The following CHD4 variants were observed in gnomAD, a reference collection of about 807,000 sequenced individuals.
The protein encoded by CHD4 is chromodomain helicase DNA binding protein 4.
Under a neutral mutation model 235.5 loss-of-function variants are expected in CHD4, and 35 were observed. That is an observed-to-expected ratio of 0.15 (90% CI 0.11 to 0.20). The LOEUF is 0.20. CHD4 is among the 10% of genes least tolerant of loss of function. The pLI is 1.00. For missense variants in CHD4, 1,329 were observed against 2,432.3 expected (o/e 0.55, Z 9.54); for synonymous variants, 900 against 850.2 (o/e 1.06, Z -1.02).
At position 6,587,330 on chromosome 12, in the gene CHD4, T is replaced by G. The variant is rs1468338839; in HGVS notation, c.3879+54A>C. The G allele has an allele frequency of 2.5e-6, 4 of 1,569,730 alleles. No individual in the cohort carries two copies. In the East Asian group the frequency reaches 9.0e-5, roughly 35 times the overall value. Reference sequence around the variant, plus strand: ...GTCTCAAATACCACCTTGGTCTCAATGCCAATTTTCAGACCAATTACCAAG... The same window carrying G: ...GTCTCAAATACCACCTTGGTCTCAAGGCCAATTTTCAGACCAATTACCAAG... On this transcript the variant is annotated intron_variant, in intron 25 of 39. Coordinates refer to ENST00000544040, the MANE Select transcript of CHD4 (RefSeq NM_001273.5).
In CHD4 at chr12:6,601,913, AAGAC is replaced by A. The variant is rs745643323; in HGVS notation, c.438+43_438+46del. ...GGCAGTAAGGTGTCTAGGAAACAAA[AAGAC>A]AAAAGTTTAACAGTACAAAGAAGAG... On this transcript the variant is annotated intron_variant, in intron 4 of 39. Transcript: ENST00000544040. The A allele has an allele frequency of 5.6e-6, 9 of 1,601,618 alleles. No individual in the cohort carries two copies. The South Asian group carries it at 8.8e-5, about 16-fold the overall frequency.
chr12:6,575,861 A>G (rs1000043474), intron 37 of CHD4, among the ~76,000 whole-genome samples: 2 of 152,142 alleles, frequency 1.3e-5, no homozygotes, highest in Admixed American at 6.6e-5. Flanking sequence ...CAACTGGGCT[A>G]TCTGCTATTT....
chr12:6,578,782 A>G, intron 34 of CHD4, 64 bp downstream of exon 34: 1 of 1,512,458 alleles, frequency 6.6e-7, no homozygotes, highest in Non-Finnish European at 9.2e-7. Context: ...GGCAGGGCAG[A>G]TACAGTCCTT....
At position 6,602,380 on chromosome 12, in the gene CHD4, T is replaced by C. The variant is rs770418446; in HGVS notation, c.218A>G (p.Lys73Arg). ...AACATTCAGTCACCCACTCACCTCC[T>C]TTTTTTGGCGCTTGCTCTTAGGGAT... The part of the protein sequence containing the change: ...PKIPKSKRQK[K>R]ERMLLCRQLG... Residue 73 changes from lysine to arginine, a missense_variant, in exon 3 of 40, where the codon AAG (lysine) becomes AGG (arginine). Physicochemically the swap from Lys to Arg is conservative, Grantham distance 26. Coordinates refer to ENST00000544040, the MANE Select transcript of CHD4 (RefSeq NM_001273.5). 1.2e-6 allele frequency: 2 copies of C among 1,613,408 alleles called. No individual in the cohort carries two copies. Among genetic ancestry groups the C allele is most frequent in the South Asian group, 1.1e-5 (1 of 90,954 alleles).
intron 10 of CHD4, 70 bp downstream of exon 10, chr12:6,599,703 C>A: frequency 1.3e-6 from 2 of 1,591,516 alleles, no homozygotes; most frequent in South Asian, 1.1e-5. Flanking sequence ...TGCACCCCAG[C>A]CTCACAATAG....
At chr12:6,591,191 C>A in intron 22 of CHD4, 3 of 185,608 alleles carry the variant, frequency 1.6e-5, no homozygotes, top group East Asian at 2.7e-4. Context: ...CTGCTAGTAA[C>A]TTGCTATTTG....
chr12:6,584,987 AC>A (rs1354218188), intron 25 of CHD4, among the ~76,000 whole-genome samples: 1 of 152,206 alleles, frequency 6.6e-6, no homozygotes, highest in Non-Finnish European at 1.5e-5. Flanking sequence ...TGGACGCATT[AC>A]CTTCGAGAAC....
chr12:6,585,504 G>A (rs1432876321), intron 25 of CHD4, among the ~76,000 whole-genome samples: 2 of 151,762 alleles, frequency 1.3e-5, no homozygotes, highest in African/African-American at 4.8e-5. Flanking sequence ...GGATGGGCTC[G>A]ATCTCTTGAC....
intron 20 of CHD4, 42 bp downstream of exon 20, chr12:6,591,874 G>C (rs779449232): frequency 2.3e-5 from 37 of 1,613,874 alleles, no homozygotes; most frequent in Non-Finnish European, 2.9e-5. Context: ...CCCACATGGA[G>C]AAGACCCAAC....
At chr12:6,606,701 G>A (rs561747109) in intron 1 of CHD4, 1 of 229,916 alleles carries the variant, frequency 4.3e-6, no homozygotes, top group Non-Finnish European at 8.5e-6. Flanking sequence ...GGGAGACGCG[G>A]GGCTGGACCG....
At chr12:6,606,715 G>A (rs970769291) in intron 1 of CHD4, 2 of 194,966 alleles carry the variant, frequency 1.0e-5, no homozygotes, top group Non-Finnish European at 2.1e-5. Flanking sequence ...TGGACCGAGC[G>A]GGGTGTGACG....
At chr12:6,578,575 G>C in intron 34 of CHD4, 29 bp from the exon 35 acceptor site, 1 of 1,606,822 alleles carries the variant, frequency 6.2e-7, no homozygotes, top group Non-Finnish European at 8.5e-7. Flanking sequence ...AAAAATGTCA[G>C]CTCCAGCCAA....
rs2136215433 is a variant in CHD4, at chr12:6,593,445, G to A, written c.2485C>T (p.Arg829Cys). ...ATGCGGGAGGCCTTCTTGCCACCAC[G>A]AATGGCATTGTCTTCAAAGGAGAAC... Reference protein sequence around the residue: ...NEFSFEDNAIRGGKKASRMKK... With the variant: ...NEFSFEDNAICGGKKASRMKK... Residue 829 changes from arginine (R) to cysteine (C), a missense_variant, in exon 16 of 40, where the codon CGT becomes TGT. By Grantham distance (180) the Arg-to-Cys change is radical. This residue lies in a region of CHD4 where 78 missense variants were observed against 174.8 expected (regional missense o/e 0.45). Transcript: ENST00000544040. The surrounding 1 kb of genome is among the most constrained non-coding windows in gnomAD (Gnocchi z 4.9). 6.2e-7 allele frequency: 1 copy of A among 1,614,096 alleles called. No homozygotes were observed. Among genetic ancestry groups the A allele is most frequent in the Non-Finnish European group, 8.5e-7 (1 of 1,180,014 alleles).
intron 38 of CHD4, among the ~76,000 whole-genome samples, chr12:6,572,096 A>C (rs1055649644): frequency 1.3e-5 from 2 of 151,344 alleles, no homozygotes; most frequent in Non-Finnish European, 2.9e-5. Flanking sequence ...ATTGCACCCC[A>C]GCCTGGGCAA....
intron 33 of CHD4, chr12:6,580,264 G>A (rs1472761542): frequency 1.3e-5 from 2 of 151,526 alleles, no homozygotes; most frequent in African/African-American, 4.9e-5. Context: ...AACAAATAAA[G>A]TCATAAGAGA....
chr12:6,596,470 C>T (rs1464060934), intron 12 of CHD4, among the ~76,000 whole-genome samples: 2 of 143,720 alleles, frequency 1.4e-5, no homozygotes, highest in Non-Finnish European at 3.0e-5. Context: ...GCCAACATGG[C>T]GAAACCCGTC....
intron 34 of CHD4, 148 bp from the exon 35 acceptor site, chr12:6,578,694 G>T: frequency 1.4e-6 from 2 of 1,388,872 alleles, no homozygotes; most frequent in Non-Finnish European, 2.0e-6. Context: ...GGTGCCATTG[G>T]CCCACTGACA....
chr12:6,590,983 C>T (rs568935100), intron 22 of CHD4, among the ~76,000 whole-genome samples: 1 of 151,902 alleles, frequency 6.6e-6, no homozygotes, highest in African/African-American at 2.4e-5. Context: ...ATTAGCTGGG[C>T]GTGGTGGCAC....
intron 22 of CHD4, among the ~76,000 whole-genome samples, chr12:6,590,930 T>C (rs1352944164): frequency 6.6e-6 from 1 of 151,610 alleles, no homozygotes; most frequent in African/African-American, 2.4e-5. Flanking sequence ...CGAGACCATC[T>C]TGGCCAACAT....
Sources: allele counts gnomAD v4.1 joint callset (sites outside exome capture counted in the v4.1 genomes callset), GRCh38; gene constraint gnomAD v4.1.1; regional missense constraint gnomAD v4.1.1; non-coding constraint Gnocchi (gnomAD v3.1); transcripts MANE v1.5; gene names NCBI Gene and HGNC (gene_info 2026-07-23, HGNC 2026-07-21).